LARGE1: variants seen among roughly 807,000 people sequenced by gnomAD.
The protein encoded by LARGE1 is xylosyl- and glucuronyltransferase LARGE1.
A neutral mutation model predicts 87.6 loss-of-function variants in LARGE1; 43 were observed. The ratio of observed to expected loss-of-function variants is 0.49; its 90% confidence interval spans 0.38 to 0.63. The LOEUF (loss-of-function observed/expected upper bound fraction) is 0.63. Ranked by LOEUF, LARGE1 falls within the 30% of genes least tolerant of loss-of-function variation. LARGE1 has a pLI of 0.00. For synonymous variants in LARGE1, 434 were observed against 394.6 expected (o/e 1.10, Z -1.18); for missense variants, 802 against 1,000.2 (o/e 0.80, Z 2.67).
intron 11 of LARGE1, among the ~76,000 whole-genome samples, chr22:33,245,055 G>C (rs965076290): frequency 2.0e-5 from 3 of 152,228 alleles, no homozygotes; most frequent in African/African-American, 7.2e-5. Flanking sequence ...CAGCCATTTA[G>C]TCCATCCCTG....
the LARGE1 span, among the ~76,000 whole-genome samples, chr22:33,088,861 A>T: frequency 6.6e-6 from 1 of 152,212 alleles, no homozygotes; most frequent in Non-Finnish European, 1.5e-5. Context: ...AATGGGGATA[A>T]TAGTGGGTCC....
intron 12 of LARGE1, among the ~76,000 whole-genome samples, chr22:33,293,846 CA>C (rs1932905877): frequency 6.6e-6 from 1 of 152,204 alleles, no homozygotes; most frequent in Non-Finnish European, 1.5e-5. Context: ...ATGAGTCTCT[CA>C]AACTATTATA....
chr22:33,433,612 A>C (rs11912992), intron 6 of LARGE1, among the ~76,000 whole-genome samples: 674 of 142,572 alleles, frequency 4.7e-3, no homozygotes, highest in Middle Eastern at 0.032. Context: ...CAAAACAAAA[A>C]AAAAAAAAAA....
intron 10 of LARGE1, among the ~76,000 whole-genome samples, chr22:33,329,873 T>C (rs7284145): frequency 0.025 from 3,837 of 152,162 alleles, 161 homozygotes; most frequent in African/African-American, 0.088. Flanking sequence ...ACCCTACAAA[T>C]ACAATACTTA....
chr22:33,579,066 G>A (rs1354974843), intron 5 of LARGE1, among the ~76,000 whole-genome samples: 1 of 152,186 alleles, frequency 6.6e-6, no homozygotes, highest in Non-Finnish European at 1.5e-5. Flanking sequence ...TGTTACAATG[G>A]ATTTTTAACT....
intron 10 of LARGE1, among the ~76,000 whole-genome samples, chr22:33,324,375 G>T (rs578214175): frequency 6.6e-6 from 1 of 151,118 alleles, no homozygotes; most frequent in East Asian, 1.9e-4. Context: ...TAATTTCTCT[G>T]GGGAGCCATG....
chr22:33,386,070 A>G lies in LARGE1; in HGVS notation c.893-1766T>C, dbSNP rs991519217. 2.0e-5 allele frequency among the ~76,000 whole-genome samples: 3 copies of G among 148,858 alleles called. 1 individual carries two copies. Among genetic ancestry groups the G allele is most frequent in the Non-Finnish European group, 4.5e-5 (3 of 66,532 alleles). On this transcript the variant is annotated intron_variant, in intron 7 of 14. Transcript: ENST00000397394. ...TATATGGCTATGGGAAGATTGGGTTAATACACAGAGATCTGAACTTGTAAG... is the reference window on the plus strand; with the variant it reads ...TATATGGCTATGGGAAGATTGGGTTGATACACAGAGATCTGAACTTGTAAG...
chr22:33,901,303 G>A (rs2065276624), intron 1 of LARGE1, among the ~76,000 whole-genome samples: 1 of 152,102 alleles, frequency 6.6e-6, no homozygotes, highest in Non-Finnish European at 1.5e-5. Flanking sequence ...CCAGAACTGT[G>A]AGACAATTAA....
At chr22:33,079,998 G>A in the LARGE1 span, among the ~76,000 whole-genome samples, 2 of 152,134 alleles carry the variant, frequency 1.3e-5, no homozygotes, top group African/African-American at 2.4e-5. Flanking sequence ...CCAGGTGCTG[G>A]GTTTCTTAGA....
intron 2 of LARGE1, among the ~76,000 whole-genome samples, chr22:33,760,831 A>G (rs1030233226): frequency 6.6e-6 from 1 of 152,126 alleles, no homozygotes; most frequent in Non-Finnish European, 1.5e-5. Context: ...GAGGCAGGAG[A>G]ATCACTTGAA....
chr22:33,853,130 T>C (rs2063659328), intron 1 of LARGE1, among the ~76,000 whole-genome samples: 1 of 152,096 alleles, frequency 6.6e-6, no homozygotes, highest in African/African-American at 2.4e-5. Context: ...CATCGTCTCA[T>C]TTCAGATATG....
chr22:33,900,432 G>A (rs1234909532), intron 1 of LARGE1, among the ~76,000 whole-genome samples: 1 of 152,152 alleles, frequency 6.6e-6, no homozygotes, highest in African/African-American at 2.4e-5. Flanking sequence ...TCACTTGCTT[G>A]GAATGAAGAG....
intron 6 of LARGE1, among the ~76,000 whole-genome samples, chr22:33,433,607 C>CAAA (rs57605083): frequency 0.014 from 1,214 of 87,714 alleles, no homozygotes; most frequent in Non-Finnish European, 0.019. Flanking sequence ...AAAAACAAAA[C>CAAA]AAAAAAAAAA....
chr22:33,729,181 G>C (rs1380372800), intron 2 of LARGE1, among the ~76,000 whole-genome samples: 1 of 152,174 alleles, frequency 6.6e-6, no homozygotes, highest in African/African-American at 2.4e-5. Flanking sequence ...TAAAACACAT[G>C]TATATAGAAC....
At chr22:33,567,596 T>G (rs1214008865) in intron 5 of LARGE1, among the ~76,000 whole-genome samples, 1 of 152,074 alleles carries the variant, frequency 6.6e-6, no homozygotes, top group Non-Finnish European at 1.5e-5. Context: ...ATAAAGGTCA[T>G]GATTTCTTTT....
chr22:33,773,056 C>CT (rs2085122050), intron 1 of LARGE1, among the ~76,000 whole-genome samples: 1 of 152,198 alleles, frequency 6.6e-6, no homozygotes, highest in Non-Finnish European at 1.5e-5. Context: ...CTCAGACACC[C>CT]TCTCGTGCAC....
At chr22:33,504,118 G>A (rs1158586311) in intron 6 of LARGE1, among the ~76,000 whole-genome samples, 1 of 152,154 alleles carries the variant, frequency 6.6e-6, no homozygotes, top group African/African-American at 2.4e-5. Context: ...CTAGGGCAGC[G>A]GTAATGGGAA....
intron 2 of LARGE1, 65 bp downstream of exon 2, chr22:33,761,306 G>A (rs2084720299): frequency 1.6e-6 from 2 of 1,258,960 alleles, no homozygotes; most frequent in African/African-American, 1.5e-5. Flanking sequence ...TCTTTTCTAG[G>A]GTTCTATGAC....
intron 6 of LARGE1, among the ~76,000 whole-genome samples, chr22:33,520,514 G>A (rs1433311464): frequency 6.6e-6 from 1 of 152,190 alleles, no homozygotes; most frequent in East Asian, 1.9e-4. Context: ...GCAGAACACA[G>A]CAGTGCTGAG....
Sources: allele counts gnomAD v4.1 joint callset (sites outside exome capture counted in the v4.1 genomes callset), GRCh38; gene constraint gnomAD v4.1.1; transcripts MANE v1.5; gene names NCBI Gene and HGNC (gene_info 2026-07-23, HGNC 2026-07-21).